Variants in STIM2 observed in about 807,000 individuals in gnomAD.
STIM2 encodes stromal interaction molecule 2.
Under a neutral mutation model 85.8 loss-of-function variants are expected in STIM2, and 31 were observed. The observed-to-expected ratio is 0.36, with a 90% CI of 0.27 to 0.49. STIM2 has a LOEUF of 0.49. Among genes scored for constraint, STIM2 ranks in the 20% least tolerant of loss-of-function variants. STIM2 has a pLI of 0.98. For synonymous variants in STIM2, 356 were observed against 331.1 expected (o/e 1.08, Z -0.82); for missense variants, 841 against 927.6 (o/e 0.91, Z 1.21).
At chr4:27,004,230 C>T (rs1728256552) in intron 7 of STIM2, among the ~76,000 whole-genome samples, 1 of 152,104 alleles carries the variant, frequency 6.6e-6, no homozygotes, top group African/African-American at 2.4e-5. Flanking sequence ...TTAACCACTC[C>T]TTCTCTCACA....
chr4:27,002,143 T>C (rs1391786375), intron 5 of STIM2, 74 bp from the exon 6 acceptor site: 1 of 1,427,414 alleles, frequency 7.0e-7, no homozygotes, highest in East Asian at 2.4e-5. Flanking sequence ...AGATACTACT[T>C]AAAAAATGTC....
At chr4:26,989,174 A>G (rs1727680435) in intron 3 of STIM2, among the ~76,000 whole-genome samples, 1 of 152,142 alleles carries the variant, frequency 6.6e-6, no homozygotes, top group Admixed American at 6.5e-5. Flanking sequence ...TCCTCAGGTG[A>G]TCCACCCACC....
At chr4:26,913,126 CT>C (rs1560204848) in intron 1 of STIM2, among the ~76,000 whole-genome samples, 1 of 152,142 alleles carries the variant, frequency 6.6e-6, no homozygotes, top group Non-Finnish European at 1.5e-5. Context: ...CTTGTTTTCC[CT>C]TTTTCTACTC....
intron 2 of STIM2, among the ~76,000 whole-genome samples, chr4:26,933,733 C>CAAAAAAAAAAAAAA (rs771503772): frequency 4.2e-5 from 2 of 47,762 alleles, no homozygotes; most frequent in Non-Finnish European, 9.0e-5. Context: ...GACCTGATCT[C>CAAAAAAAAAAAAAA]AAAAAAAAAA....
At chr4:26,896,551 C>T (rs191650042) in intron 1 of STIM2, among the ~76,000 whole-genome samples, 177 of 152,212 alleles carry the variant, frequency 1.2e-3, no homozygotes, top group African/African-American at 3.8e-3. Context: ...TTTTAAAAAA[C>T]GCTTTTATTT....
chr4:27,014,295 ATTATT>A (rs1163678851), intron 10 of STIM2, among the ~76,000 whole-genome samples: 1 of 151,796 alleles, frequency 6.6e-6, no homozygotes, highest in Non-Finnish European at 1.5e-5. Context: ...TTTCTCTCAT[ATTATT>A]TTAAGGCTAT....
intron 2 of STIM2, among the ~76,000 whole-genome samples, chr4:26,932,068 A>T (rs1320678495): frequency 6.6e-6 from 1 of 152,210 alleles, no homozygotes; most frequent in East Asian, 1.9e-4. Flanking sequence ...TGGACTCCTT[A>T]TAACAACTGT....
chr4:26,896,420 T>C (rs1228684961), intron 1 of STIM2, among the ~76,000 whole-genome samples: 1 of 152,206 alleles, frequency 6.6e-6, no homozygotes, highest in African/African-American at 2.4e-5. Flanking sequence ...ATACAGGGTG[T>C]ATCAACAGGG....
chr4:26,973,999 T>C (rs1040285561), intron 3 of STIM2, among the ~76,000 whole-genome samples: 3 of 152,176 alleles, frequency 2.0e-5, no homozygotes, highest in Middle Eastern at 3.2e-3. Flanking sequence ...GTAACAGCCT[T>C]GTTTCTTTTG....
At chr4:26,972,220 A>G (rs142224747) in intron 3 of STIM2, among the ~76,000 whole-genome samples, 3,036 of 152,224 alleles carry the variant, frequency 0.02, 36 homozygotes, top group Non-Finnish European at 0.027. Flanking sequence ...TTCCTAATTG[A>G]ATACCCTTTA....
chr4:26,960,243 G>A (rs1056181152), intron 3 of STIM2, among the ~76,000 whole-genome samples: 1 of 152,176 alleles, frequency 6.6e-6, no homozygotes, highest in Non-Finnish European at 1.5e-5. Flanking sequence ...GAAAACTGCT[G>A]AAGTAGAGAT....
chr4:26,982,489 C>G (rs1170592844), intron 3 of STIM2, among the ~76,000 whole-genome samples: 1 of 152,010 alleles, frequency 6.6e-6, no homozygotes, highest in East Asian at 1.9e-4. Flanking sequence ...CTTCTGTATC[C>G]TCTTTTAAGG....
At chr4:26,953,645 TC>T (rs1335941200) in intron 2 of STIM2, among the ~76,000 whole-genome samples, 2 of 152,036 alleles carry the variant, frequency 1.3e-5, no homozygotes, top group African/African-American at 2.4e-5. Flanking sequence ...AAAACAGGCC[TC>T]CCGAGGAACT....
At position 27,009,910 on chromosome 4, in the gene STIM2, G is replaced by A. The variant is rs536984033; in HGVS notation, c.1489+908G>A. 4.4e-4 allele frequency among the ~76,000 whole-genome samples: 67 copies of A among 152,210 alleles called. 2 individuals are homozygous for A. The South Asian group carries it at 0.012, about 27-fold the overall frequency. ...AAGTTGAATTTCCTCCTTAAAATCCGTGTTTAATATCTGAATTGTGCATGA... is the reference window on the plus strand; with the variant it reads ...AAGTTGAATTTCCTCCTTAAAATCCATGTTTAATATCTGAATTGTGCATGA... On this transcript the variant is annotated intron_variant, in intron 10 of 11. Coordinates refer to ENST00000467087, the MANE Select transcript of STIM2 (RefSeq NM_020860.4).
chr4:26,965,926 G>A (rs750749557), intron 3 of STIM2, among the ~76,000 whole-genome samples: 1 of 152,112 alleles, frequency 6.6e-6, no homozygotes, highest in African/African-American at 2.4e-5. Flanking sequence ...TGAAATAAAT[G>A]TTTTGAGCCT....
At chr4:27,018,639 G>A (rs1369888073) in intron 11 of STIM2, among the ~76,000 whole-genome samples, 1 of 152,172 alleles carries the variant, frequency 6.6e-6, no homozygotes, top group Non-Finnish European at 1.5e-5. Flanking sequence ...TACACCAGGG[G>A]CTGGGAATTT....
At chr4:26,973,279 A>G (rs1270774524) in intron 3 of STIM2, among the ~76,000 whole-genome samples, 1 of 152,084 alleles carries the variant, frequency 6.6e-6, no homozygotes, top group Non-Finnish European at 1.5e-5. Flanking sequence ...GCCTTCTGCT[A>G]GCTTTTGAAT....
At chr4:26,917,164 A>G (rs1724614458) in intron 1 of STIM2, among the ~76,000 whole-genome samples, 2 of 152,220 alleles carry the variant, frequency 1.3e-5, no homozygotes, top group African/African-American at 4.8e-5. Context: ...AATCGAGTAC[A>G]GCATTAAGTG....
At chr4:26,861,664 G>T in intron 1 of STIM2, 1 of 264,618 alleles carries the variant, frequency 3.8e-6, no homozygotes. Context: ...TGCTGCAGAA[G>T]TGCCAGCAGG....
Sources: gnomAD v4.1 joint callset for allele counts (sites outside exome capture counted in the v4.1 genomes callset) on GRCh38, gnomAD v4.1.1 for gene constraint, MANE v1.5 for transcripts, NCBI Gene and HGNC (gene_info 2026-07-23, HGNC 2026-07-21) for gene names.